The following CSMD3 variants were observed in gnomAD, a reference collection of about 807,000 sequenced individuals.
CSMD3 encodes the protein CUB and Sushi multiple domains 3.
Under a neutral mutation model 435.2 loss-of-function variants are expected in CSMD3, and 177 were observed. The observed-to-expected ratio is 0.41, with a 90% confidence interval of 0.36 to 0.46. The LOEUF (loss-of-function observed/expected upper bound fraction) is 0.46. Ranked by LOEUF, CSMD3 falls within the 20% of genes least tolerant of loss-of-function variation. The pLI, the probability that CSMD3 is intolerant of heterozygous loss-of-function variation, is 0.34. For missense variants in CSMD3, 4,265 were observed against 4,504.6 expected (o/e 0.95, Z 1.52); for synonymous variants, 1,656 against 1,520.5 (o/e 1.09, Z -2.07).
chr8:113,342,548 A>G (rs892503797), intron 1 of CSMD3, among the ~76,000 whole-genome samples: 1 of 152,170 alleles, frequency 6.6e-6, no homozygotes. Context: ...TAAATCTGAG[A>G]CACTAGGAAC....
At chr8:113,100,152 T>G (rs1391252411) in intron 4 of CSMD3, among the ~76,000 whole-genome samples, 2 of 152,224 alleles carry the variant, frequency 1.3e-5, no homozygotes, top group South Asian at 4.1e-4. Flanking sequence ...CTTTATCCAT[T>G]TACCTCCATA....
chr8:113,271,033 G>A (rs67468373), intron 3 of CSMD3, among the ~76,000 whole-genome samples: 23,320 of 151,480 alleles, frequency 0.15, 1,919 homozygotes, highest in Middle Eastern at 0.22. Context: ...GAGATGTGTG[G>A]AACTTTGCAC....
intron 6 of CSMD3, among the ~76,000 whole-genome samples, chr8:112,991,083 T>A (rs2085440898): frequency 6.6e-6 from 1 of 151,822 alleles, no homozygotes; most frequent in Non-Finnish European, 1.5e-5. Context: ...ACTCCATTTG[T>A]CATTTTTCTA....
intron 9 of CSMD3, among the ~76,000 whole-genome samples, chr8:112,933,416 A>T (rs1038680240): frequency 6.6e-6 from 1 of 152,132 alleles, no homozygotes; most frequent in African/African-American, 2.4e-5. Flanking sequence ...AAAGTATTAC[A>T]ATATACCTTA....
At chr8:112,840,246 C>T (rs231315) in intron 11 of CSMD3, among the ~76,000 whole-genome samples, 36,460 of 151,496 alleles carry the variant, frequency 0.24, 5,040 homozygotes, top group Non-Finnish European at 0.32. Flanking sequence ...AAAAGGTCAC[C>T]GGTATTTTGA....
At chr8:112,947,966 ATTATTG>A in intron 8 of CSMD3, 89 bp from the exon 9 acceptor site, 1 of 666,408 alleles carries the variant, frequency 1.5e-6, no homozygotes, top group Non-Finnish European at 2.7e-6. Context: ...CATAAAATGT[ATTATTG>A]TATTTTGTCA....
intron 23 of CSMD3, among the ~76,000 whole-genome samples, chr8:112,582,306 G>T (rs1449782302): frequency 6.6e-6 from 1 of 151,952 alleles, no homozygotes; most frequent in Non-Finnish European, 1.5e-5. Context: ...CAGAAGTCCA[G>T]CTGATGTTGG....
chr8:112,784,689 CAT>C lies in CSMD3; in HGVS notation c.1972+15471_1972+15472del, dbSNP rs113269567. ...AAAGAAATGAATCAATTACTAGACA[CAT>C]ACAACCTACCAACATTGAAACATAA... On this transcript the variant is annotated intron_variant, in intron 13 of 70. Coordinates refer to ENST00000297405, the MANE Select transcript of CSMD3 (RefSeq NM_198123.2). Among the ~76,000 whole-genome samples, 39 of 152,088 alleles carry C rather than the reference CAT, an allele frequency of 2.6e-4. 1 individual carries two copies. The highest frequency in any genetic ancestry group is 8.4e-4 in the African/African-American group (35 of 41,540).
At chr8:113,128,038 T>G (rs894527709) in intron 4 of CSMD3, among the ~76,000 whole-genome samples, 4 of 152,128 alleles carry the variant, frequency 2.6e-5, no homozygotes, top group Non-Finnish European at 5.9e-5. Context: ...CATCACCCAC[T>G]AAGAGAGGTA....
intron 4 of CSMD3, among the ~76,000 whole-genome samples, chr8:113,133,060 T>C (rs555721791): frequency 6.6e-6 from 1 of 152,082 alleles, no homozygotes; most frequent in South Asian, 2.1e-4. Flanking sequence ...AAAGCAAAAA[T>C]AGACAAATAG....
chr8:113,140,447 G>A (rs1186191390), intron 4 of CSMD3, among the ~76,000 whole-genome samples: 2 of 150,698 alleles, frequency 1.3e-5, no homozygotes, highest in African/African-American at 2.4e-5. Context: ...GCCTACAAGA[G>A]CAGACTACAC....
At chr8:112,901,923 C>T (rs1476374149) in intron 10 of CSMD3, among the ~76,000 whole-genome samples, 2 of 151,256 alleles carry the variant, frequency 1.3e-5, no homozygotes, top group African/African-American at 2.4e-5. Flanking sequence ...GTAGGAAGAG[C>T]CTTTCAGCAA....
At chr8:113,331,539 T>C (rs1257975568) in intron 1 of CSMD3, among the ~76,000 whole-genome samples, 7 of 151,612 alleles carry the variant, frequency 4.6e-5, no homozygotes, top group African/African-American at 1.7e-4. Flanking sequence ...CTTGATGAAA[T>C]ACTAGAAAAG....
At chr8:112,648,887 C>A (rs1392116495) in intron 19 of CSMD3, among the ~76,000 whole-genome samples, 4 of 152,120 alleles carry the variant, frequency 2.6e-5, no homozygotes, top group Non-Finnish European at 5.9e-5. Context: ...ATGACCAAGA[C>A]AAAGTCAATC....
intron 5 of CSMD3, among the ~76,000 whole-genome samples, chr8:113,040,392 G>T (rs1324087472): frequency 6.6e-6 from 1 of 152,154 alleles, no homozygotes; most frequent in Non-Finnish European, 1.5e-5. Context: ...TGTCTGATTT[G>T]CATCTGATAA....
intron 5 of CSMD3, among the ~76,000 whole-genome samples, chr8:113,035,398 G>GTA: frequency 6.6e-6 from 1 of 151,894 alleles, no homozygotes; most frequent in African/African-American, 2.4e-5. Flanking sequence ...ACTGTATACT[G>GTA]TATGGATGCA....
intron 56 of CSMD3, among the ~76,000 whole-genome samples, chr8:112,289,806 A>T (rs16883386): frequency 0.043 from 6,573 of 152,182 alleles, 237 homozygotes; most frequent in East Asian, 0.15. Flanking sequence ...TTAAGTGATT[A>T]TGATAAATCT....
chr8:112,242,646 A>G (rs1468802395), intron 65 of CSMD3, among the ~76,000 whole-genome samples: 1 of 152,140 alleles, frequency 6.6e-6, no homozygotes, highest in Non-Finnish European at 1.5e-5. Context: ...ATGTGTAACT[A>G]TAGGATGGTA....
intron 25 of CSMD3, among the ~76,000 whole-genome samples, chr8:112,555,411 T>C (rs1828029426): frequency 6.6e-6 from 1 of 151,974 alleles, no homozygotes; most frequent in African/African-American, 2.4e-5. Flanking sequence ...TCTTAAAGCT[T>C]TTCTGAACAT....
Sources: allele counts gnomAD v4.1 joint callset (sites outside exome capture counted in the v4.1 genomes callset), GRCh38; gene constraint gnomAD v4.1.1; transcripts MANE v1.5; gene names NCBI Gene and HGNC (gene_info 2026-07-23, HGNC 2026-07-21).